Variants in NELL2 observed in about 807,000 individuals in gnomAD.
The protein encoded by NELL2 is neural EGFL like 2, also known as protein kinase C-binding protein NELL2.
A neutral mutation model predicts 109.6 loss-of-function variants in NELL2; 41 were observed. That is an observed-to-expected ratio of 0.37 (90% CI 0.29 to 0.49). NELL2 has a LOEUF of 0.49. Among genes scored for constraint, NELL2 ranks in the 20% least tolerant of loss-of-function variants. NELL2 has a pLI of 0.98. For missense variants in NELL2, 900 were observed against 1,008.3 expected (o/e 0.89, Z 1.45); for synonymous variants, 355 against 344.7 (o/e 1.03, Z -0.33).
chr12:44,638,311 C>T (rs568178396), intron 13 of NELL2, among the ~76,000 whole-genome samples: 73 of 152,134 alleles, frequency 4.8e-4, no homozygotes, highest in African/African-American at 1.5e-3. Context: ...TTACAGAATC[C>T]GCTAACAAAT....
At chr12:44,734,397 A>AGC (rs1939531587) in intron 9 of NELL2, among the ~76,000 whole-genome samples, 1 of 151,888 alleles carries the variant, frequency 6.6e-6, no homozygotes, top group Admixed American at 6.6e-5. Context: ...GCTGAGTTTC[A>AGC]TTAATTCAGT....
chr12:44,796,135 A>G (rs1204342478), intron 3 of NELL2, among the ~76,000 whole-genome samples: 2 of 152,120 alleles, frequency 1.3e-5, no homozygotes, highest in Non-Finnish European at 2.9e-5. Context: ...TAACAATTAA[A>G]TGAACTAAAA....
At chr12:44,741,363 G>A (rs1939949766) in intron 9 of NELL2, among the ~76,000 whole-genome samples, 1 of 152,178 alleles carries the variant, frequency 6.6e-6, no homozygotes, top group Admixed American at 6.5e-5. Flanking sequence ...CTGGTCTACA[G>A]CTCCCAGTGT....
intron 1 of NELL2, among the ~76,000 whole-genome samples, chr12:44,888,399 A>G (rs1325712539): frequency 8.9e-6 from 1 of 111,804 alleles, no homozygotes; most frequent in Non-Finnish European, 1.9e-5. Context: ...TTTTTTTTTG[A>G]AAGTTAAACT....
intron 12 of NELL2, among the ~76,000 whole-genome samples, chr12:44,703,522 T>C (rs1455878565): frequency 6.6e-6 from 1 of 152,226 alleles, no homozygotes; most frequent in Non-Finnish European, 1.5e-5. Context: ...ACCAGCCATA[T>C]CAACTTATTA....
intron 9 of NELL2, among the ~76,000 whole-genome samples, chr12:44,772,507 A>G (rs1162264490): frequency 1.3e-5 from 2 of 152,260 alleles, no homozygotes; most frequent in African/African-American, 4.8e-5. Flanking sequence ...ACTCATTCCC[A>G]AAAAGAACCG....
intron 9 of NELL2, among the ~76,000 whole-genome samples, chr12:44,771,046 T>C (rs1015197251): frequency 1.3e-5 from 2 of 152,208 alleles, no homozygotes; most frequent in Non-Finnish European, 2.9e-5. Flanking sequence ...AGATTTTATG[T>C]ACTTTAATCA....
In NELL2 at chr12:44,798,338, T is replaced by C. The variant is rs537108014; in HGVS notation, c.335+17648A>G. On this transcript the variant is annotated intron_variant, in intron 3 of 19. Coordinates refer to ENST00000429094, the MANE Select transcript of NELL2 (RefSeq NM_001145108.2). ...AGCAAAATATTCTACAAATAAACTA[T>C]AGAATTAACAAATGAATTTAACAGG... 8.5e-5 allele frequency among the ~76,000 whole-genome samples: 13 copies of C among 152,084 alleles called. No homozygotes were observed. In the East Asian group the frequency reaches 2.5e-3, roughly 29 times the overall value.
chr12:44,758,697 A>G (rs986264834), intron 9 of NELL2, among the ~76,000 whole-genome samples: 2 of 152,178 alleles, frequency 1.3e-5, no homozygotes, highest in South Asian at 2.1e-4. Context: ...AATTCATTCA[A>G]TATAAACTCA....
intron 13 of NELL2, among the ~76,000 whole-genome samples, chr12:44,652,165 T>G (rs1947322205): frequency 6.6e-6 from 1 of 152,184 alleles, no homozygotes; most frequent in Admixed American, 6.5e-5. Context: ...TCAACAATCC[T>G]GCATTCTGGA....
At chr12:44,609,924 T>A (rs1945546929) in intron 14 of NELL2, among the ~76,000 whole-genome samples, 1 of 152,104 alleles carries the variant, frequency 6.6e-6, no homozygotes, top group African/African-American at 2.4e-5. Flanking sequence ...AATGCCTAAA[T>A]TGGATAAATC....
chr12:44,864,263 C>G (rs2136815677), intron 2 of NELL2, among the ~76,000 whole-genome samples: 1 of 152,158 alleles, frequency 6.6e-6, no homozygotes, highest in Non-Finnish European at 1.5e-5. Flanking sequence ...TATCAAAAGA[C>G]ATAAAGTGGT....
In NELL2 at chr12:44,746,060, A is replaced by G. The variant is rs554666442; in HGVS notation, c.994+28687T>C. On this transcript the variant is annotated intron_variant, in intron 9 of 19. Coordinates refer to ENST00000429094, the MANE Select transcript of NELL2 (RefSeq NM_001145108.2). Reference sequence around the variant, plus strand: ...TGACTTCAAACTATACTACAAGGCTACAGTAACCAAAACAGCATGGTACTG... The same window carrying G: ...TGACTTCAAACTATACTACAAGGCTGCAGTAACCAAAACAGCATGGTACTG... Among the ~76,000 whole-genome samples, 24 of 152,310 alleles carry G rather than the reference A, an allele frequency of 1.6e-4. No individual in the cohort carries two copies. In the South Asian group the frequency reaches 3.1e-3, roughly 20 times the overall value.
Position 44,764,221 on chromosome 12 carries a change from ACT to A in NELL2, c.994+10524_994+10525del, listed in dbSNP as rs1206340224. On this transcript the variant is annotated intron_variant, in intron 9 of 19. Coordinates refer to ENST00000429094, the MANE Select transcript of NELL2 (RefSeq NM_001145108.2). ...TTTTACATAGATACTTTTAATTTTAACTCAGTGTGTTTTCTCTATTCTTTATT... is the reference window on the plus strand; with the variant it reads ...TTTTACATAGATACTTTTAATTTTAACAGTGTGTTTTCTCTATTCTTTATT... Among the ~76,000 whole-genome samples the A allele has an allele frequency of 1.5e-3, 227 of 152,304 alleles. 3 individuals carry two copies. The Middle Eastern group carries it at 0.041, about 27-fold the overall frequency.
chr12:44,575,077 A>T (rs930383218), intron 15 of NELL2, among the ~76,000 whole-genome samples: 1 of 152,220 alleles, frequency 6.6e-6, no homozygotes, highest in Non-Finnish European at 1.5e-5. Flanking sequence ...CCCTTACAGC[A>T]TAAGCTCCAC....
At chr12:44,629,460 A>G (rs866782611) in intron 13 of NELL2, among the ~76,000 whole-genome samples, 1 of 152,214 alleles carries the variant, frequency 6.6e-6, no homozygotes, top group Admixed American at 6.5e-5. Flanking sequence ...GTACCCCTGC[A>G]GTAATAAACC....
At chr12:44,546,929 G>A (rs2136158203) in intron 15 of NELL2, among the ~76,000 whole-genome samples, 1 of 152,236 alleles carries the variant, frequency 6.6e-6, no homozygotes, top group Middle Eastern at 3.4e-3. Context: ...ACAGTTGTTT[G>A]GCTGCTAACT....
chr12:44,857,668 A>G (rs1944722333), intron 2 of NELL2, among the ~76,000 whole-genome samples: 1 of 152,218 alleles, frequency 6.6e-6, no homozygotes, highest in Non-Finnish European at 1.5e-5. Context: ...CTAAGCTTTA[A>G]TTGTGCTTGT....
intron 12 of NELL2, among the ~76,000 whole-genome samples, chr12:44,669,454 C>T (rs546582692): frequency 1.4e-3 from 210 of 152,090 alleles, no homozygotes; most frequent in African/African-American, 5.0e-3. Context: ...ATTAGAGAAA[C>T]TCAGTGAAAT....
Sources: gnomAD v4.1 joint callset for allele counts (sites outside exome capture counted in the v4.1 genomes callset) on GRCh38, gnomAD v4.1.1 for gene constraint, MANE v1.5 for transcripts, NCBI Gene and HGNC (gene_info 2026-07-23, HGNC 2026-07-21) for gene names.